SLC39A12: variants seen among roughly 807,000 people sequenced by gnomAD.
SLC39A12 encodes the protein solute carrier family 39 member 12, also known as zinc transporter ZIP12.
In SLC39A12, 63 loss-of-function variants were observed where a neutral mutation model predicts 71.1. The observed-to-expected ratio is 0.89, with a 90% CI of 0.72 to 1.09. The LOEUF (loss-of-function observed/expected upper bound fraction) is 1.09. SLC39A12 is among the 50% of genes least tolerant of loss of function. The pLI, the probability that SLC39A12 is intolerant of heterozygous loss-of-function variation, is 0.00. For missense variants in SLC39A12, 892 were observed against 812.6 expected (o/e 1.10, Z -1.19); for synonymous variants, 351 against 301.3 (o/e 1.16, Z -1.71).
At chr10:18,024,969 T>G (rs1423280193) in intron 12 of SLC39A12, among the ~76,000 whole-genome samples, 1 of 151,956 alleles carries the variant, frequency 6.6e-6, no homozygotes, top group Non-Finnish European at 1.5e-5. Context: ...CAATCTATAT[T>G]TTCTTTTTAT....
In SLC39A12 at chr10:17,981,493, G is replaced by T. The variant is rs1926739; in HGVS notation, c.1096+10G>T. On this transcript the variant is annotated intron_variant, in intron 6 of 12. Transcript: ENST00000377369. ...CCTACCACTCTGGAGAGTAAGTTCT[G>T]GATCTTCCTTCAGAAAGCTGATGTG... 8 of 1,602,178 alleles carry T rather than the reference G, an allele frequency of 5.0e-6. No homozygotes were observed. The highest frequency in any genetic ancestry group is 6.8e-6 in the Non-Finnish European group (8 of 1,173,494).
At chr10:17,970,251 A>G (rs576553082) in intron 4 of SLC39A12, among the ~76,000 whole-genome samples, 1 of 152,160 alleles carries the variant, frequency 6.6e-6, no homozygotes, top group South Asian at 2.1e-4. Flanking sequence ...TTTGCTCAGG[A>G]TAGTTTTGAC....
Position 17,987,757 on chromosome 10 carries a change from A to T in SLC39A12, c.1269+106A>T, listed in dbSNP as rs1024458735. On this transcript the variant is annotated intron_variant, in intron 7 of 12. Transcript: ENST00000377369. ...TTTACTGAGACTTCAAAGAGAGAGT[A>T]TCGTGGCTGGTGTTTTCCTTAAAAA... 1.1e-5 allele frequency: 13 copies of T among 1,160,408 alleles called. No individual in the cohort carries two copies. In the African/African-American group the frequency reaches 1.2e-4, roughly 11 times the overall value. The allele number at this position is 1,160,408 out of a possible 1,614,324, so 71.9% of individuals were successfully genotyped here. A position where few individuals can be genotyped will look rare whatever the true frequency, so the allele number is the denominator to read the frequency against.
intron 12 of SLC39A12, among the ~76,000 whole-genome samples, chr10:18,034,860 C>T (rs1836953689): frequency 6.6e-6 from 1 of 150,744 alleles, no homozygotes; most frequent in Non-Finnish European, 1.5e-5. Context: ...CAAAATCTCT[C>T]AGCATTTGCT....
At chr10:17,986,060 G>A (rs1042460464) in intron 6 of SLC39A12, among the ~76,000 whole-genome samples, 2 of 152,158 alleles carry the variant, frequency 1.3e-5, no homozygotes, top group African/African-American at 2.4e-5. Context: ...TCCAAAACGT[G>A]TACTCATTTT....
chr10:18,042,961 T>A lies in SLC39A12; in HGVS notation c.*128T>A. On this transcript the variant is annotated 3_prime_UTR_variant, in exon 13 of 13. Transcript: ENST00000377369. ...GGCAAAGTGTGTCTCTTTCAATTCA[T>A]TAACTTATTAATTTTATAATGCAGT... 1 of 661,906 alleles carries A rather than the reference T, an allele frequency of 1.5e-6. No individual in the cohort carries two copies. The highest frequency in any genetic ancestry group is 1.9e-5 in the African/African-American group (1 of 52,876). 41.0% of individuals were successfully genotyped at this position (661,906 alleles called of 1,614,324 possible). A position where few individuals can be genotyped will look rare whatever the true frequency, so the allele number is the denominator to read the frequency against.
At position 17,993,252 on chromosome 10, in the gene SLC39A12, C is replaced by A. The variant is rs1210668154; in HGVS notation, c.1494C>A (p.Asp498Glu). 6.4e-7 allele frequency: 1 copy of A among 1,551,808 alleles called. No individual in the cohort carries two copies. The highest frequency in any genetic ancestry group is 2.4e-5 in the East Asian group (1 of 40,932). ...TTGCACTCAACTCTGAATTAAGTGACCAGGCAGGCAGAGGCAAATCTGCTT... is the reference window on the plus strand; with the variant it reads ...TTGCACTCAACTCTGAATTAAGTGAACAGGCAGGCAGAGGCAAATCTGCTT... The part of the protein sequence containing the change: ...HHLALNSELS[D>E]QAGRGKSAST... The change falls in exon 9 of 13, where the codon GAC becomes GAA. Residue 498 changes from aspartate (D) to glutamate (E), a missense_variant. Coordinates refer to ENST00000377369, the MANE Select transcript of SLC39A12 (RefSeq NM_001145195.2).
intron 12 of SLC39A12, among the ~76,000 whole-genome samples, chr10:18,021,993 G>A (rs1836545732): frequency 6.6e-6 from 1 of 152,162 alleles, no homozygotes; most frequent in Non-Finnish European, 1.5e-5. Flanking sequence ...TCAACTGTTA[G>A]TCTGATGAGT....
At chr10:17,977,863 C>A (rs992280626) in intron 4 of SLC39A12, 39 bp from the exon 5 acceptor site, 8 of 1,475,676 alleles carry the variant, frequency 5.4e-6, no homozygotes, top group Middle Eastern at 3.7e-4. Flanking sequence ...CGGAACTTAT[C>A]TATTCTATGT....
At chr10:18,014,487 A>G (rs1367206608) in intron 12 of SLC39A12, among the ~76,000 whole-genome samples, 2 of 152,230 alleles carry the variant, frequency 1.3e-5, no homozygotes, top group Non-Finnish European at 2.9e-5. Flanking sequence ...TTACAAGTCA[A>G]AAAGATCCTA....
intron 2 of SLC39A12, among the ~76,000 whole-genome samples, chr10:17,955,520 G>T (rs1554847686): frequency 6.6e-6 from 1 of 152,174 alleles, no homozygotes. Flanking sequence ...CAGAGCTTCA[G>T]CTTGTGGCCG....
At chr10:17,978,988 G>C in intron 5 of SLC39A12, among the ~76,000 whole-genome samples, 1 of 152,110 alleles carries the variant, frequency 6.6e-6, no homozygotes, top group South Asian at 2.1e-4. Context: ...GTAGAGCCCA[G>C]AACTCTGTCT....
At chr10:17,952,550 C>T (rs530066781) in intron 1 of SLC39A12, among the ~76,000 whole-genome samples, 15 of 147,822 alleles carry the variant, frequency 1.0e-4, no homozygotes, top group Admixed American at 6.2e-4. Flanking sequence ...TGCAGTGGCA[C>T]GATCTTGGCT....
intron 2 of SLC39A12, among the ~76,000 whole-genome samples, chr10:17,959,795 ACTT>A (rs1430099991): frequency 6.6e-6 from 1 of 152,116 alleles, no homozygotes; most frequent in Non-Finnish European, 1.5e-5. Context: ...TGTCAAGTAA[ACTT>A]CTCAGATTGC....
chr10:17,961,536 G>C (rs1396442043), intron 2 of SLC39A12, 45 bp from the exon 3 acceptor site: 1 of 1,553,304 alleles, frequency 6.4e-7, no homozygotes, highest in Non-Finnish European at 8.7e-7. Flanking sequence ...GAACTATTTT[G>C]CTAAGCTTTG....
chr10:17,962,449 C>A (rs1834715730), intron 3 of SLC39A12, among the ~76,000 whole-genome samples: 1 of 152,110 alleles, frequency 6.6e-6, no homozygotes, highest in South Asian at 2.1e-4. Context: ...CATTACTATT[C>A]TAGCAAAACT....
chr10:18,010,801 G>A (rs1836194909), intron 12 of SLC39A12, among the ~76,000 whole-genome samples: 1 of 152,076 alleles, frequency 6.6e-6, no homozygotes, highest in Non-Finnish European at 1.5e-5. Flanking sequence ...AGAACAACAT[G>A]GGTTTGAACT....
At chr10:17,986,375 G>T (rs190095386) in intron 6 of SLC39A12, among the ~76,000 whole-genome samples, 1 of 152,184 alleles carries the variant, frequency 6.6e-6, no homozygotes, top group African/African-American at 2.4e-5. Flanking sequence ...GATGGCTTAT[G>T]TAAACAACAG....
At chr10:18,032,466 A>G in intron 12 of SLC39A12, among the ~76,000 whole-genome samples, 1 of 130,690 alleles carries the variant, frequency 7.7e-6, no homozygotes, top group Non-Finnish European at 1.6e-5. Context: ...TTGTTGGTGT[A>G]TAAGAATGCT....
Sources: allele counts gnomAD v4.1 joint callset (sites outside exome capture counted in the v4.1 genomes callset), GRCh38; gene constraint gnomAD v4.1.1; transcripts MANE v1.5; gene names NCBI Gene and HGNC (gene_info 2026-07-23, HGNC 2026-07-21).